The following ALCAM variants were observed in gnomAD, a reference collection of about 807,000 sequenced individuals.
The protein encoded by ALCAM is activated leukocyte cell adhesion molecule.
Under a neutral mutation model 70.9 loss-of-function variants are expected in ALCAM, and 30 were observed. That is an observed-to-expected ratio of 0.42 (90% confidence interval 0.32 to 0.57). The LOEUF is 0.57. ALCAM is among the 20% of genes least tolerant of loss of function. The pLI, the probability that ALCAM is intolerant of heterozygous loss-of-function variation, is 0.11. For synonymous variants in ALCAM, 249 were observed against 242.5 expected, an observed-to-expected ratio of 1.03 and a Z score of -0.25; for missense variants, 591 against 695.1, an observed-to-expected ratio of 0.85 and a Z score of 1.68.
intron 11 of ALCAM, among the ~76,000 whole-genome samples, chr3:105,547,987 G>C (rs1421266198): frequency 6.6e-6 from 1 of 151,318 alleles, no homozygotes; most frequent in Non-Finnish European, 1.5e-5. Flanking sequence ...GAATGGTGGA[G>C]AAGAACACAG....
intron 1 of ALCAM, among the ~76,000 whole-genome samples, chr3:105,461,267 T>G (rs537294246): frequency 4.0e-5 from 6 of 151,810 alleles, no homozygotes; most frequent in Non-Finnish European, 5.9e-5. Context: ...CAAGAGAAAC[T>G]GGAAAACTAT....
chr3:105,523,438 CA>C (rs919864009), intron 2 of ALCAM, among the ~76,000 whole-genome samples: 1 of 152,132 alleles, frequency 6.6e-6, no homozygotes, highest in Admixed American at 6.5e-5. Flanking sequence ...CTGAATCCTC[CA>C]TAGAATCCTA....
intron 1 of ALCAM, among the ~76,000 whole-genome samples, chr3:105,387,887 A>G (rs1935697304): frequency 6.6e-6 from 1 of 151,518 alleles, no homozygotes; most frequent in Non-Finnish European, 1.5e-5. Flanking sequence ...TGGTTGTGAG[A>G]CTTTATTCTA....
At position 105,576,486 on chromosome 3, in the gene ALCAM, G is replaced by C. The variant is rs1576251571; in HGVS notation, c.*2035G>C. On this transcript the variant is annotated 3_prime_UTR_variant, in exon 16 of 16. Coordinates refer to ENST00000306107, the MANE Select transcript of ALCAM (RefSeq NM_001627.4). ...TGCAGAAAGAAGCAACATGACAATA[G>C]AGAGAGTTATGCTACAATTATTTCT... 6.6e-6 allele frequency: 1 copy of C among 152,556 alleles called. No individual in the cohort carries two copies. Among genetic ancestry groups the C allele is most frequent in the South Asian group, 2.1e-4 (1 of 4,828 alleles). The allele number at this position is 152,556 out of a possible 1,614,324, so 9.5% of individuals were successfully genotyped here.
At chr3:105,448,505 A>C (rs148287751) in intron 1 of ALCAM, among the ~76,000 whole-genome samples, 1 of 152,002 alleles carries the variant, frequency 6.6e-6, no homozygotes, top group East Asian at 1.9e-4. Context: ...GCCAATTCCA[A>C]CCTAGAGCAA....
At chr3:105,519,657 G>A (rs1939478013) in intron 1 of ALCAM, among the ~76,000 whole-genome samples, 1 of 152,058 alleles carries the variant, frequency 6.6e-6, no homozygotes, top group African/African-American at 2.4e-5. Flanking sequence ...GTTAAAGCTA[G>A]TTTTGAGAAT....
chr3:105,442,238 G>A (rs1410656220), intron 1 of ALCAM, among the ~76,000 whole-genome samples: 2 of 152,038 alleles, frequency 1.3e-5, no homozygotes, highest in Admixed American at 1.3e-4. Context: ...CAGGTTTGAG[G>A]TATCAGGACA....
chr3:105,539,145 G>A (rs1169265333), intron 6 of ALCAM, among the ~76,000 whole-genome samples: 1 of 152,034 alleles, frequency 6.6e-6, no homozygotes, highest in Non-Finnish European at 1.5e-5. Flanking sequence ...TGCATTATAT[G>A]ATTTCAAAAT....
intron 1 of ALCAM, among the ~76,000 whole-genome samples, chr3:105,467,372 T>C (rs1323955275): frequency 6.6e-6 from 1 of 151,180 alleles, no homozygotes; most frequent in Non-Finnish European, 1.5e-5. Flanking sequence ...TAGTACAGGA[T>C]TAATGGATTG....
At chr3:105,408,438 A>G (rs1203118525) in intron 1 of ALCAM, among the ~76,000 whole-genome samples, 2 of 152,128 alleles carry the variant, frequency 1.3e-5, no homozygotes, top group Non-Finnish European at 2.9e-5. Context: ...GCAAACAAAA[A>G]CATAAGGTGG....
intron 1 of ALCAM, among the ~76,000 whole-genome samples, chr3:105,374,800 G>T (rs189857968): frequency 6.6e-6 from 1 of 152,282 alleles, no homozygotes; most frequent in East Asian, 1.9e-4. Context: ...TTACAGGCAT[G>T]AGCCACTGCA....
chr3:105,497,457 C>T (rs1938778770), intron 1 of ALCAM, among the ~76,000 whole-genome samples: 1 of 152,008 alleles, frequency 6.6e-6, no homozygotes, highest in African/African-American at 2.4e-5. Flanking sequence ...GTTAGCCTTG[C>T]TTATTATTTT....
chr3:105,454,070 G>A (rs1937497921), intron 1 of ALCAM, among the ~76,000 whole-genome samples: 1 of 152,046 alleles, frequency 6.6e-6, no homozygotes, highest in African/African-American at 2.4e-5. Flanking sequence ...GAGGCCCTGG[G>A]AGATTAAATT....
intron 1 of ALCAM, among the ~76,000 whole-genome samples, chr3:105,516,118 TC>T (rs1939373764): frequency 6.6e-6 from 1 of 151,334 alleles, no homozygotes; most frequent in South Asian, 2.1e-4. Flanking sequence ...AAATAGACTG[TC>T]TAATTCTCAT....
chr3:105,436,246 A>T (rs1240055401), intron 1 of ALCAM, among the ~76,000 whole-genome samples: 1 of 152,204 alleles, frequency 6.6e-6, no homozygotes, highest in East Asian at 1.9e-4. Flanking sequence ...CCTTGTCTTG[A>T]CTTCATTTGG....
At chr3:105,539,865 C>A in intron 6 of ALCAM, 110 bp from the exon 7 acceptor site, 5 of 1,124,280 alleles carry the variant, frequency 4.4e-6, no homozygotes, top group Non-Finnish European at 2.5e-6. Flanking sequence ...AAGCAATTAC[C>A]ATTACTAGCT....
chr3:105,537,320 G>A (rs1339312607), intron 6 of ALCAM, among the ~76,000 whole-genome samples: 3 of 152,026 alleles, frequency 2.0e-5, no homozygotes, highest in Non-Finnish European at 4.4e-5. Context: ...TTGCAAAATA[G>A]TATTTCTCTT....
rs117666393 is a variant in ALCAM at position 105,484,676 on chromosome 3, C to A, written c.74-35391C>A. 9.7e-3 allele frequency among the ~76,000 whole-genome samples: 1,480 copies of A among 152,094 alleles called. 13 individuals carry two copies. The highest frequency in any genetic ancestry group is 0.035 in the East Asian group (181 of 5,170). On this transcript the variant is annotated intron_variant, in intron 1 of 15. Transcript: ENST00000306107. Reference sequence around the variant, plus strand: ...AATACATAGTAATACGAGGGTCAGGCCAATCAAAGGAGACGACAGAAGAGG... The same window carrying A: ...AATACATAGTAATACGAGGGTCAGGACAATCAAAGGAGACGACAGAAGAGG...
intron 1 of ALCAM, among the ~76,000 whole-genome samples, chr3:105,490,729 G>A (rs1938559371): frequency 6.6e-6 from 1 of 152,112 alleles, no homozygotes; most frequent in African/African-American, 2.4e-5. Context: ...TCACATCTAG[G>A]TCATGCTGAT....
Sources: gnomAD v4.1 joint callset for allele counts (sites outside exome capture counted in the v4.1 genomes callset) on GRCh38, gnomAD v4.1.1 for gene constraint, MANE v1.5 for transcripts, NCBI Gene and HGNC (gene_info 2026-07-23, HGNC 2026-07-21) for gene names.